Variants in TRIML2 observed in about 807,000 individuals in gnomAD.
TRIML2 encodes the protein tripartite motif family like 2, also known as probable E3 ubiquitin-protein ligase TRIML2.
Under a neutral mutation model 31.2 loss-of-function variants are expected in TRIML2, and 28 were observed. That is an observed-to-expected ratio of 0.90 (90% confidence interval 0.66 to 1.23). TRIML2 has a LOEUF of 1.23. Among genes scored for constraint, TRIML2 ranks in the 50% most tolerant of loss-of-function variants. TRIML2 has a pLI of 0.00. For missense variants in TRIML2, 536 were observed against 528.3 expected (o/e 1.01, Z -0.14); for synonymous variants, 187 against 197.5 (o/e 0.95, Z 0.45).
intron 7 of TRIML2, among the ~76,000 whole-genome samples, chr4:188,096,658 TTTTA>T (rs1328050994): frequency 6.6e-6 from 1 of 151,504 alleles, no homozygotes; most frequent in Non-Finnish European, 1.5e-5. Flanking sequence ...CTCCTAAAAT[TTTTA>T]TTTATTTATT....
intron 4 of TRIML2, among the ~76,000 whole-genome samples, chr4:188,099,802 CTGTT>C (rs1733693625): frequency 6.6e-6 from 1 of 152,088 alleles, no homozygotes; most frequent in African/African-American, 2.4e-5. Context: ...TTTTCTGTGG[CTGTT>C]TGTTCAGAAG....
Position 188,099,188 on chromosome 4 carries a change from T to C in TRIML2, c.481-13A>G, listed in dbSNP as rs2111170803. 6.3e-7 allele frequency: 1 copy of C among 1,586,584 alleles called. No homozygotes were observed. Among genetic ancestry groups the C allele is most frequent in the Non-Finnish European group, 8.6e-7 (1 of 1,168,344 alleles). On this transcript the variant is annotated splice_polypyrimidine_tract_variant and intron_variant, in intron 4 of 7. Transcript: ENST00000682553. ...CACGGCCCAGTCTCTGCAGAAGCAT[T>C]TCTTCGTTACTATTCAACAACCTCA...
chr4:188,097,547 C>T (rs1733573614), intron 5 of TRIML2, among the ~76,000 whole-genome samples: 1 of 152,080 alleles, frequency 6.6e-6, no homozygotes, highest in Non-Finnish European at 1.5e-5. Context: ...TGTCGTAGTC[C>T]CAAGGGAAAG....
intron 6 of TRIML2, 45 bp from the exon 7 acceptor site, chr4:188,097,206 C>A: frequency 1.9e-6 from 3 of 1,597,556 alleles, no homozygotes; most frequent in Non-Finnish European, 2.6e-6. Flanking sequence ...GACCACAGGC[C>A]CCTTAGTCTA....
chr4:188,099,549 G>A (rs1365085172), intron 4 of TRIML2, among the ~76,000 whole-genome samples: 1 of 145,740 alleles, frequency 6.9e-6, no homozygotes, highest in African/African-American at 2.6e-5. Context: ...GAATGACAGA[G>A]CAAGACTCCA....
rs139144549 is a variant in TRIML2 at position 188,106,672 on chromosome 4, C to G, written c.-222-1082G>C. The stretch of plus-strand genomic sequence containing the variant: ...ACTGGAGGGCTTCGCCCCGGAAGAT[C>G]TATCGTGCTCCTGGCAGGCGCGTCC... On this transcript the variant is annotated intron_variant, in intron 1 of 7. Transcript: ENST00000682553. 6.8e-3 allele frequency: 1,086 copies of G among 158,824 alleles called. 22 individuals carry two copies. Among genetic ancestry groups the G allele is most frequent in the African/African-American group, 0.025 (1,034 of 41,666 alleles). 9.8% of individuals were successfully genotyped at this position (158,824 alleles called of 1,614,324 possible).
chr4:188,095,912 A>ATAGAGG (rs1733484399), intron 7 of TRIML2, among the ~76,000 whole-genome samples: 1 of 152,234 alleles, frequency 6.6e-6, no homozygotes, highest in South Asian at 2.1e-4. Context: ...CTATATGTCA[A>ATAGAGG]CTGCAGTATG....
rs751156762 is a variant in TRIML2, at chr4:188,091,627, C to G, written c.1060G>C (p.Val354Leu). The G allele has an allele frequency of 6.2e-7, 1 of 1,613,986 alleles. No homozygotes were observed. Among genetic ancestry groups the G allele is most frequent in the Admixed American group, 1.7e-5 (1 of 59,994 alleles). Residue 354 changes from valine (V) to leucine (L), a missense_variant, in exon 8 of 8, where the codon GTC becomes CTC. Transcript: ENST00000682553. ...AAGAGCCTTTTCAGAGGGGGGAAGA[C>G]CCAGAGAGTCCACTCGGTCCCCATC... Reference protein sequence around the residue: ...SVMGTEWTLWVFPPLKRLFLE... With the variant: ...SVMGTEWTLWLFPPLKRLFLE...
At chr4:188,103,044 G>A (rs1374387389) in intron 3 of TRIML2, among the ~76,000 whole-genome samples, 4 of 116,622 alleles carry the variant, frequency 3.4e-5, no homozygotes, top group African/African-American at 6.7e-5. Context: ...ACGGAGTCTC[G>A]CTCTGTCGCC....
Position 188,101,344 on chromosome 4 carries a change from T to C in TRIML2, c.286-94A>G, listed in dbSNP as rs1046761930. ...ATAGATAGATATCTATATCTATATATAGATATATATATCTTACACTGACCA... is the reference window on the plus strand; with the variant it reads ...ATAGATAGATATCTATATCTATATACAGATATATATATCTTACACTGACCA... On this transcript the variant is annotated intron_variant, in intron 3 of 7. Coordinates refer to ENST00000682553, the MANE Select transcript of TRIML2 (RefSeq NM_173553.4). 6.3e-6 allele frequency: 4 copies of C among 634,746 alleles called. No individual in the cohort carries two copies. The South Asian group carries it at 8.7e-5, about 14-fold the overall frequency. 39.3% of individuals were successfully genotyped at this position (634,746 alleles called of 1,614,324 possible).
Position 188,105,380 on chromosome 4 carries a change from T to C in TRIML2, c.-12A>G. 6.4e-7 allele frequency: 1 copy of C among 1,553,524 alleles called. No individual in the cohort carries two copies. Among genetic ancestry groups the C allele is most frequent in the Non-Finnish European group, 8.7e-7 (1 of 1,146,262 alleles). On this transcript the variant is annotated 5_prime_UTR_variant, in exon 2 of 8. Coordinates refer to ENST00000682553, the MANE Select transcript of TRIML2 (RefSeq NM_173553.4). Reference sequence around the variant, plus strand: ...AGCCTTTTGGACATCCTGGTAGGGGTCCCTAGTTGAAGACTGGACTGTATG... The same window carrying C: ...AGCCTTTTGGACATCCTGGTAGGGGCCCCTAGTTGAAGACTGGACTGTATG...
intron 5 of TRIML2, 82 bp downstream of exon 5, chr4:188,098,953 C>G: frequency 1.3e-6 from 2 of 1,485,462 alleles, no homozygotes; most frequent in South Asian, 2.5e-5. Context: ...TGTGTTCTGA[C>G]AGCAACCCCT....
chr4:188,098,146 C>T (rs1014708639), intron 5 of TRIML2: 7 of 288,460 alleles, frequency 2.4e-5, no homozygotes, highest in Non-Finnish European at 4.3e-5. Flanking sequence ...AAAAAGGTAA[C>T]CCACTTTCTG....
In TRIML2 at chr4:188,099,015, T is replaced by C; in HGVS notation, c.621+20A>G. ...TCAAATACTGGAATGAATTTTATTTTCTTTTTCCCAGCATCTTACCTTGAG... is the reference window on the plus strand; with the variant it reads ...TCAAATACTGGAATGAATTTTATTTCCTTTTTCCCAGCATCTTACCTTGAG... On this transcript the variant is annotated intron_variant, in intron 5 of 7. Coordinates refer to ENST00000682553, the MANE Select transcript of TRIML2 (RefSeq NM_173553.4). 1 of 1,613,682 alleles carries C rather than the reference T, an allele frequency of 6.2e-7. No homozygotes were observed. The highest frequency in any genetic ancestry group is 2.2e-5 in the East Asian group (1 of 44,864).
intron 1 of TRIML2, among the ~76,000 whole-genome samples, chr4:188,108,660 T>C (rs1344996573): frequency 6.6e-6 from 1 of 152,162 alleles, no homozygotes; most frequent in Non-Finnish European, 1.5e-5. Context: ...TAGCTGCCTC[T>C]AATTCATCAC....
chr4:188,098,459 C>T (rs1361845925), intron 5 of TRIML2, among the ~76,000 whole-genome samples: 1 of 152,176 alleles, frequency 6.6e-6, no homozygotes, highest in Non-Finnish European at 1.5e-5. Context: ...CCAATACCAT[C>T]GCCTTGGGGG....
At position 188,105,171 on chromosome 4, in the gene TRIML2, G is replaced by A. The variant is rs748883522; in HGVS notation, c.189+9C>T. 1.9e-6 allele frequency: 3 copies of A among 1,592,666 alleles called. No homozygotes were observed. The East Asian group carries it at 6.8e-5, about 36-fold the overall frequency. On this transcript the variant is annotated intron_variant, in intron 2 of 7. Transcript: ENST00000682553. ...AGAGTGTTTTGGGATTTGCGTGAGT[G>A]ACTCTTACCCTGTAATTCTCAGCAG...
At chr4:188,108,955 T>C (rs1560958578) in intron 1 of TRIML2, among the ~76,000 whole-genome samples, 1 of 152,168 alleles carries the variant, frequency 6.6e-6, no homozygotes, top group South Asian at 2.1e-4. Flanking sequence ...ACATACTCGA[T>C]GCACAATAAA....
At chr4:188,099,279 C>G in intron 4 of TRIML2, 104 bp from the exon 5 acceptor site, 1 of 1,448,134 alleles carries the variant, frequency 6.9e-7, no homozygotes, top group South Asian at 1.4e-5. Context: ...TAAAAACCTG[C>G]TTTTCGGTTG....
Sources: allele counts gnomAD v4.1 joint callset (sites outside exome capture counted in the v4.1 genomes callset), GRCh38; gene constraint gnomAD v4.1.1; transcripts MANE v1.5; gene names NCBI Gene and HGNC (gene_info 2026-07-23, HGNC 2026-07-21).